The following GREB1 variants were observed in gnomAD, a reference collection of about 807,000 sequenced individuals.
GREB1 encodes growth regulating estrogen receptor binding 1, also known as protein GREB1.
GREB1 carries 106 observed loss-of-function variants against 200.7 expected under a neutral mutation model. The ratio of observed to expected loss-of-function variants is 0.53; its 90% CI spans 0.45 to 0.62. GREB1 has a LOEUF of 0.62. GREB1 is among the 20% of genes least tolerant of loss of function. The probability of loss-of-function intolerance (pLI) is 0.00; values close to 1 mark genes in which losing one functional copy is unlikely to be tolerated. For synonymous variants in GREB1, 1,132 were observed against 1,092.4 expected, an observed-to-expected ratio of 1.04 and a Z score of -0.72; for missense variants, 2,243 against 2,556.8, an observed-to-expected ratio of 0.88 and a Z score of 2.65.
chr2:11,515,019 C>T (rs112340536), intron 1 of GREB1, among the ~76,000 whole-genome samples: 7 of 151,970 alleles, frequency 4.6e-5, no homozygotes, highest in African/African-American at 1.7e-4. Flanking sequence ...TCTCTTCCCC[C>T]ACCTGACCAT....
chr2:11,587,741 A>ACGCACACACGCGCGCG, intron 9 of GREB1: 1 of 786,924 alleles, frequency 1.3e-6, no homozygotes, highest in Non-Finnish European at 1.6e-6. Context: ...ACACACACAC[A>ACGCACACACGCGCGCG]CGCCACCTTT....
At chr2:11,508,894 G>GTTTA (rs1673262228) in intron 1 of GREB1, among the ~76,000 whole-genome samples, 31 of 142,614 alleles carry the variant, frequency 2.2e-4, no homozygotes, top group African/African-American at 6.6e-4. Context: ...TTTTTTTTCG[G>GTTTA]GACAGAGTCT....
Position 11,580,313 on chromosome 2 carries a change from C to G in GREB1, c.773-391C>G, listed in dbSNP as rs973532093. Among the ~76,000 whole-genome samples the G allele has an allele frequency of 7.9e-5, 12 of 152,146 alleles. No individual in the cohort carries two copies. Among genetic ancestry groups the G allele is most frequent in the Admixed American group, 2.6e-4 (4 of 15,278 alleles). ...GAAGCAGAACAGTTTCAGGTGTGGT[C>G]CTGGAATTCAGGAAGTCCCCCGGTC... On this transcript the variant is annotated intron_variant, in intron 6 of 32. Transcript: ENST00000381486. The surrounding 1 kb of genome is among the most constrained non-coding windows in gnomAD (Gnocchi z 4.5).
chr2:11,640,439 G>C lies in GREB1; in HGVS notation c.5835G>C (p.Thr1945=). Residue 1945 remains threonine (T), a synonymous_variant, in exon 33 of 33, where the codon ACG becomes ACC. Transcript: ENST00000381486. This position sits in a 1 kb window ranked among gnomAD's most constrained non-coding sequence, Gnocchi z 4.6. ...AREDRPLFFL[T]GRHI ...AAGACCGGCCGCTCTTTTTTCTGACGGGACGACACATCTGAGGAAGACAGC... is the reference window on the plus strand; with the variant it reads ...AAGACCGGCCGCTCTTTTTTCTGACCGGACGACACATCTGAGGAAGACAGC... The C allele has an allele frequency of 1.2e-6, 2 of 1,614,086 alleles. No individual in the cohort carries two copies. The highest frequency in any genetic ancestry group is 2.2e-5 in the East Asian group (1 of 44,876).
rs896142637 is a variant in GREB1 at position 11,640,016 on chromosome 2, C to T, written c.5687-275C>T. 6.6e-6 allele frequency among the ~76,000 whole-genome samples: 1 copy of T among 152,078 alleles called. No homozygotes were observed. The highest frequency in any genetic ancestry group is 1.5e-5 in the Non-Finnish European group (1 of 68,024). On this transcript the variant is annotated intron_variant, in intron 32 of 32. Coordinates refer to ENST00000381486, the MANE Select transcript of GREB1 (RefSeq NM_014668.4). This position sits in a 1 kb window ranked among gnomAD's most constrained non-coding sequence, Gnocchi z 4.6. ...GATGCTTGGTTTGCGATTCCACCAG[C>T]CTCTCTCCTTCCTCTCCGCACCTCG...
intron 19 of GREB1, among the ~76,000 whole-genome samples, chr2:11,614,131 T>G (rs891313619): frequency 4.6e-5 from 7 of 151,010 alleles, no homozygotes; most frequent in African/African-American, 1.2e-4. Flanking sequence ...TTAGATTTTT[T>G]TTTTTTTTTT....
At chr2:11,574,040 A>T (rs529195198) in intron 4 of GREB1, among the ~76,000 whole-genome samples, 11 of 152,358 alleles carry the variant, frequency 7.2e-5, no homozygotes, top group African/African-American at 2.6e-4. Flanking sequence ...GTTCTTAGGC[A>T]GCAGTTGAGC....
chr2:11,623,888 C>T (rs1268099614), intron 23 of GREB1, among the ~76,000 whole-genome samples: 3 of 151,496 alleles, frequency 2.0e-5, no homozygotes, highest in Admixed American at 6.6e-5. Flanking sequence ...GGTGACAGAG[C>T]GAGACTCTGT....
chr2:11,539,716 A>G (rs2148515962), intron 1 of GREB1: 1 of 152,230 alleles, frequency 6.6e-6, no homozygotes, highest in Admixed American at 6.5e-5. Context: ...GGCTAAGAAG[A>G]CACGAAACGG....
intron 1 of GREB1, among the ~76,000 whole-genome samples, chr2:11,511,367 C>A (rs1572569142): frequency 6.6e-6 from 1 of 152,206 alleles, no homozygotes; most frequent in South Asian, 2.1e-4. Context: ...ACTAGGAAGA[C>A]AATTTTTGGC....
Position 11,600,398 on chromosome 2 carries a change from C to G in GREB1, c.2334-402C>G, listed in dbSNP as rs182553746. On this transcript the variant is annotated intron_variant, in intron 15 of 32. Transcript: ENST00000381486. ...TTTTAAACTGACTATAGAATTTACTCTTTTACATCTTTTCTGGATCATTTC... is the reference window on the plus strand; with the variant it reads ...TTTTAAACTGACTATAGAATTTACTGTTTTACATCTTTTCTGGATCATTTC... 1.2e-4 allele frequency among the ~76,000 whole-genome samples: 18 copies of G among 152,280 alleles called. No homozygotes were observed. The East Asian group carries it at 3.3e-3, about 28-fold the overall frequency.
intron 1 of GREB1, among the ~76,000 whole-genome samples, chr2:11,534,531 C>T (rs563337494): frequency 3.3e-5 from 5 of 152,270 alleles, no homozygotes; most frequent in East Asian, 1.9e-4. Flanking sequence ...AAGTGGGGAG[C>T]GTGCGGCTTT....
chr2:11,593,155 A>G, intron 11 of GREB1, 29 bp downstream of exon 11: 2 of 1,457,598 alleles, frequency 1.4e-6, no homozygotes, highest in Non-Finnish European at 1.9e-6. Flanking sequence ...GGCTGCGGGA[A>G]AGCCCCCTGA....
At chr2:11,539,985 C>T (rs1340542185) in intron 1 of GREB1, 1 of 152,552 alleles carries the variant, frequency 6.6e-6, no homozygotes, top group East Asian at 1.9e-4. Context: ...CTCTTCCATC[C>T]CCAGGCACAG....
intron 1 of GREB1, among the ~76,000 whole-genome samples, chr2:11,519,906 C>CG (rs970981385): frequency 2.0e-5 from 3 of 152,096 alleles, no homozygotes; most frequent in Non-Finnish European, 4.4e-5. Flanking sequence ...GGAGGCTGAA[C>CG]GGGGGTGGAC....
chr2:11,631,175 A>C (rs1477912526), intron 26 of GREB1, among the ~76,000 whole-genome samples: 1 of 152,188 alleles, frequency 6.6e-6, no homozygotes, highest in African/African-American at 2.4e-5. Context: ...GTGTTGTGGC[A>C]GGTGCTCTGA....
chr2:11,607,428 AT>A (rs1682410674), intron 17 of GREB1, among the ~76,000 whole-genome samples: 3 of 104,874 alleles, frequency 2.9e-5, no homozygotes, highest in Admixed American at 2.8e-4. Flanking sequence ...CAGTATATGT[AT>A]GTGTGTGTGT....
At position 11,544,276 on chromosome 2, in the gene GREB1, G is replaced by T. The variant is rs559541504; in HGVS notation, c.-162+10022G>T. Among the ~76,000 whole-genome samples the T allele has an allele frequency of 3.3e-5, 5 of 152,230 alleles. No homozygotes were observed. The East Asian group carries it at 7.7e-4, about 24-fold the overall frequency. On this transcript the variant is annotated intron_variant, in intron 1 of 32. Coordinates refer to ENST00000381486, the MANE Select transcript of GREB1 (RefSeq NM_014668.4). ...AAGTTGCCCAGGCTGGAGTGCGGTG[G>T]TGTGATCTCGGGTCACTGCAAGCTC... is the stretch of plus-strand genomic sequence containing the variant.
intron 1 of GREB1, among the ~76,000 whole-genome samples, chr2:11,542,391 T>G (rs923100036): frequency 6.6e-6 from 1 of 152,006 alleles, no homozygotes; most frequent in African/African-American, 2.4e-5. Context: ...TCGAGTAGGA[T>G]CTGCAGCGTG....
Sources: gnomAD v4.1 joint callset for allele counts (sites outside exome capture counted in the v4.1 genomes callset) on GRCh38, gnomAD v4.1.1 for gene constraint, Gnocchi (gnomAD v3.1) non-coding constraint, MANE v1.5 for transcripts, NCBI Gene and HGNC (gene_info 2026-07-23, HGNC 2026-07-21) for gene names.